DCAF6: variants seen among roughly 807,000 people sequenced by gnomAD.
The protein encoded by DCAF6 is DDB1- and CUL4-associated factor 6.
In DCAF6, 54 loss-of-function variants were observed where a neutral mutation model predicts 125.1. That is an observed-to-expected ratio of 0.43 (90% CI 0.35 to 0.54). The LOEUF (loss-of-function observed/expected upper bound fraction) is 0.54. DCAF6 is among the 20% of genes least tolerant of loss of function. DCAF6 has a pLI of 0.01. For synonymous variants in DCAF6, 371 were observed against 390.4 expected (o/e 0.95, Z 0.58); for missense variants, 934 against 1,161.7 (o/e 0.80, Z 2.85).
At chr1:168,038,519 A>G in intron 13 of DCAF6, 31 bp downstream of exon 13, 1 of 1,461,982 alleles carries the variant, frequency 6.8e-7, no homozygotes. Flanking sequence ...AGATGTTCTT[A>G]GCCATTTTGT....
intron 7 of DCAF6, among the ~76,000 whole-genome samples, chr1:168,000,326 G>T (rs2103060321): frequency 6.6e-6 from 1 of 152,148 alleles, no homozygotes; most frequent in South Asian, 2.1e-4. Flanking sequence ...TGAAATATGA[G>T]AATTACTGAA....
the DCAF6 span, among the ~76,000 whole-genome samples, chr1:167,870,788 G>A: frequency 6.0e-3 from 895 of 149,140 alleles, 10 homozygotes; most frequent in African/African-American, 0.021. Context: ...CAGCCTGGGC[G>A]ACAAGCAAAA....
intron 16 of DCAF6, among the ~76,000 whole-genome samples, chr1:168,048,188 A>G (rs895703378): frequency 6.6e-6 from 1 of 152,174 alleles, no homozygotes; most frequent in African/African-American, 2.4e-5. Context: ...CTAGAGTCCA[A>G]GGATACATTG....
the DCAF6 span, among the ~76,000 whole-genome samples, chr1:167,901,090 G>A: frequency 6.6e-6 from 1 of 152,160 alleles, no homozygotes; most frequent in Admixed American, 6.5e-5. Flanking sequence ...GTCATATAGT[G>A]TGCGTAATGT....
At chr1:168,074,538 A>T (rs1021741176) in intron 21 of DCAF6, among the ~76,000 whole-genome samples, 14 of 152,150 alleles carry the variant, frequency 9.2e-5, no homozygotes, top group Admixed American at 9.2e-4. Context: ...TAAAGATAAA[A>T]AGAAGTAACT....
the DCAF6 span, chr1:167,905,039 G>C: frequency 6.2e-7 from 1 of 1,614,166 alleles, no homozygotes; most frequent in Non-Finnish European, 8.5e-7. Flanking sequence ...AATCCATAAA[G>C]GGTCGCTCTG....
chr1:168,035,289 T>C (rs1687652696), intron 12 of DCAF6, among the ~76,000 whole-genome samples: 1 of 152,072 alleles, frequency 6.6e-6, no homozygotes, highest in Non-Finnish European at 1.5e-5. Flanking sequence ...CTACAAAAGT[T>C]ACTACAAATT....
At chr1:168,030,998 G>T (rs1053670619) in intron 12 of DCAF6, among the ~76,000 whole-genome samples, 1 of 152,050 alleles carries the variant, frequency 6.6e-6, no homozygotes, top group Non-Finnish European at 1.5e-5. Context: ...TCATGAACTC[G>T]GTTTTGAATA....
At chr1:167,904,081 GC>G in the DCAF6 span, 8 of 501,766 alleles carry the variant, frequency 1.6e-5, no homozygotes, top group Admixed American at 6.9e-5. Flanking sequence ...GCGGGCCTCA[GC>G]TTTTTTTTTT....
At chr1:168,030,842 TGTTG>T (rs1686993334) in intron 12 of DCAF6, among the ~76,000 whole-genome samples, 1 of 152,232 alleles carries the variant, frequency 6.6e-6, no homozygotes, top group Non-Finnish European at 1.5e-5. Context: ...TGGGAGGTAC[TGTTG>T]GAGATTAACA....
At chr1:167,964,779 A>G (rs758308188) in intron 2 of DCAF6, among the ~76,000 whole-genome samples, 1 of 151,902 alleles carries the variant, frequency 6.6e-6, no homozygotes, top group Non-Finnish European at 1.5e-5. Flanking sequence ...GTTTTTATTG[A>G]TATATCCTCA....
intron 9 of DCAF6, among the ~76,000 whole-genome samples, chr1:168,004,311 T>TAGGA (rs1683045244): frequency 6.6e-6 from 1 of 152,120 alleles, no homozygotes; most frequent in Non-Finnish European, 1.5e-5. Context: ...TTTTATGTAA[T>TAGGA]AGGAAAGATT....
chr1:167,881,126 A>G, the DCAF6 span, among the ~76,000 whole-genome samples: 7 of 152,246 alleles, frequency 4.6e-5, no homozygotes, highest in East Asian at 1.9e-4. Flanking sequence ...TATATATTCA[A>G]AAAGTCATCC....
chr1:167,965,896 A>T (rs1041922585), intron 2 of DCAF6, among the ~76,000 whole-genome samples: 5 of 152,124 alleles, frequency 3.3e-5, no homozygotes, highest in African/African-American at 1.2e-4. Flanking sequence ...TGGCCTCCCA[A>T]AGTGCTGGGA....
the DCAF6 span, among the ~76,000 whole-genome samples, chr1:167,925,442 CATATATATATATATATAT>C: frequency 0.021 from 1,757 of 82,496 alleles, 42 homozygotes; most frequent in Middle Eastern, 0.039. Flanking sequence ...TACATATACA[CATATATATATATATATAT>C]ATATATATAT....
chr1:167,926,602 G>A, the DCAF6 span, among the ~76,000 whole-genome samples: 1 of 152,176 alleles, frequency 6.6e-6, no homozygotes, highest in Non-Finnish European at 1.5e-5. Context: ...CCCAACTGTG[G>A]TGCCCCAACT....
At chr1:167,904,082 CT>C in the DCAF6 span, 64,337 of 357,448 alleles carry the variant, frequency 0.18, 464 homozygotes, top group African/African-American at 0.22. Flanking sequence ...CGGGCCTCAG[CT>C]TTTTTTTTTT....
chr1:168,036,016 C>A (rs913436843), intron 12 of DCAF6, among the ~76,000 whole-genome samples: 1 of 151,970 alleles, frequency 6.6e-6, no homozygotes, highest in Non-Finnish European at 1.5e-5. Flanking sequence ...GGGCCGAGAT[C>A]GCGCCATTGC....
rs370531728 is a variant in DCAF6, at chr1:168,035,394, C to G, written c.1610-2977C>G. Among the ~76,000 whole-genome samples, 86 of 152,282 alleles carry G rather than the reference C, an allele frequency of 5.6e-4. 1 individual carries two copies. The highest frequency in any genetic ancestry group is 2.0e-3 in the African/African-American group (83 of 41,568). Reference sequence around the variant, plus strand: ...CCTGGGAAATTGAGGATGCAGCGAGCCATGATTTCGCCACTGCACTCCAAC... The same window carrying G: ...CCTGGGAAATTGAGGATGCAGCGAGGCATGATTTCGCCACTGCACTCCAAC... On this transcript the variant is annotated intron_variant, in intron 12 of 21. Transcript: ENST00000367840.
Sources: gnomAD v4.1 joint callset for allele counts (sites outside exome capture counted in the v4.1 genomes callset) on GRCh38, gnomAD v4.1.1 for gene constraint, MANE v1.5 for transcripts, NCBI Gene and HGNC (gene_info 2026-07-23, HGNC 2026-07-21) for gene names.